HMCN1: variants seen among roughly 807,000 people sequenced by gnomAD.
HMCN1 encodes the protein hemicentin 1.
HMCN1 carries 321 observed loss-of-function variants against 625.9 expected under a neutral mutation model. The observed-to-expected ratio is 0.51, with a 90% CI of 0.47 to 0.56. The LOEUF is 0.56. HMCN1 is among the 20% of genes least tolerant of loss of function. HMCN1 has a pLI of 0.00. For missense variants in HMCN1, 6,588 were observed against 6,887.3 expected, an observed-to-expected ratio of 0.96 and a Z score of 1.54; for synonymous variants, 2,425 against 2,417.6, an observed-to-expected ratio of 1.00 and a Z score of -0.09.
At chr1:185,921,763 T>C (rs1373556550) in intron 6 of HMCN1, among the ~76,000 whole-genome samples, 2 of 152,174 alleles carry the variant, frequency 1.3e-5, no homozygotes, top group African/African-American at 4.8e-5. Context: ...TCTTAGGTGG[T>C]TTTTGAAATG....
At chr1:185,912,903 C>T (rs552151887) in intron 6 of HMCN1, among the ~76,000 whole-genome samples, 73 of 152,012 alleles carry the variant, frequency 4.8e-4, no homozygotes, top group Non-Finnish European at 9.1e-4. Context: ...TGTCTGTTTC[C>T]TTACATAAAA....
chr1:186,008,103 T>C (rs1450055815), intron 30 of HMCN1, among the ~76,000 whole-genome samples: 5 of 152,182 alleles, frequency 3.3e-5, no homozygotes, highest in African/African-American at 9.6e-5. Flanking sequence ...ATTGCTTAAT[T>C]ATAGGTTTAT....
chr1:186,039,244 C>A (rs1656042137), intron 38 of HMCN1, among the ~76,000 whole-genome samples: 1 of 152,158 alleles, frequency 6.6e-6, no homozygotes, highest in Non-Finnish European at 1.5e-5. Context: ...GTCATTGATA[C>A]TGTTAGCTAA....
At chr1:186,102,687 C>G (rs1660437733) in intron 68 of HMCN1, among the ~76,000 whole-genome samples, 1 of 152,142 alleles carries the variant, frequency 6.6e-6, no homozygotes, top group South Asian at 2.1e-4. Flanking sequence ...AACAAACCTG[C>G]TAACCCCTGG....
intron 52 of HMCN1, among the ~76,000 whole-genome samples, chr1:186,071,992 AT>A (rs1225724823): frequency 4.6e-5 from 7 of 152,250 alleles, no homozygotes; most frequent in African/African-American, 9.6e-5. Context: ...GAAATGAGGC[AT>A]TTTTGTCTTA....
intron 15 of HMCN1, among the ~76,000 whole-genome samples, chr1:185,975,709 GGATT>G (rs776241038): frequency 6.6e-6 from 1 of 151,832 alleles, no homozygotes; most frequent in African/African-American, 2.4e-5. Flanking sequence ...CCATATAGAT[GGATT>G]AAGAAAAATC....
intron 4 of HMCN1, among the ~76,000 whole-genome samples, chr1:185,900,511 AG>A (rs1480084257): frequency 2.0e-5 from 3 of 151,932 alleles, no homozygotes; most frequent in African/African-American, 7.2e-5. Context: ...ATCTCTATAA[AG>A]TATTTCCCAA....
intron 52 of HMCN1, among the ~76,000 whole-genome samples, chr1:186,073,395 A>C (rs1336102881): frequency 6.6e-6 from 1 of 152,216 alleles, no homozygotes; most frequent in African/African-American, 2.4e-5. Context: ...ATTGGAGTCC[A>C]CAAGTATAGA....
Position 185,911,744 on chromosome 1 carries a change from T to C in HMCN1, c.864T>C (p.Asn288=), listed in dbSNP as rs1666434303. 2.5e-6 allele frequency: 4 copies of C among 1,613,280 alleles called. No homozygotes were observed. Among genetic ancestry groups the C allele is most frequent in the East Asian group, 2.2e-5 (1 of 44,858 alleles). The change falls in exon 6 of 107, where the codon AAT becomes AAC. Residue 288 remains asparagine (N), a synonymous_variant. Transcript: ENST00000271588. ...TCCATAACTCTGCCAAAGTAGTGAA[T>C]GTGAAAGAGCCAGAGGCTGGAATGT... The part of the protein sequence containing the change: ...LNIHNSAKVV[N]VKEPEAGMWT...
intron 42 of HMCN1, among the ~76,000 whole-genome samples, chr1:186,049,537 A>C (rs1656809572): frequency 6.6e-6 from 1 of 152,116 alleles, no homozygotes; most frequent in African/African-American, 2.4e-5. Context: ...TAATTCTTAT[A>C]GTCACAACTT....
At chr1:185,808,190 A>T (rs1004483037) in intron 1 of HMCN1, among the ~76,000 whole-genome samples, 1 of 152,004 alleles carries the variant, frequency 6.6e-6, no homozygotes, top group Non-Finnish European at 1.5e-5. Context: ...TATTAAAAAT[A>T]CAAAAAATTA....
intron 8 of HMCN1, 107 bp downstream of exon 8, chr1:185,923,760 A>T: frequency 1.1e-6 from 1 of 926,438 alleles, no homozygotes; most frequent in Non-Finnish European, 1.7e-6. Flanking sequence ...TCTTCATATT[A>T]TTACTGCATC....
chr1:185,886,327 A>G (rs971738184), intron 4 of HMCN1, among the ~76,000 whole-genome samples: 6 of 152,150 alleles, frequency 3.9e-5, no homozygotes, highest in African/African-American at 1.2e-4. Flanking sequence ...TATAATTTAA[A>G]TGAAGTAAAC....
At chr1:185,790,230 C>G (rs1433566511) in intron 1 of HMCN1, among the ~76,000 whole-genome samples, 1 of 152,196 alleles carries the variant, frequency 6.6e-6, no homozygotes, top group Non-Finnish European at 1.5e-5. Flanking sequence ...CCCATTTAAC[C>G]TTTCGAAATT....
intron 11 of HMCN1, 137 bp downstream of exon 11, chr1:185,933,961 A>G (rs1034687596): frequency 3.2e-5 from 26 of 805,646 alleles, no homozygotes; most frequent in Non-Finnish European, 4.7e-5. Flanking sequence ...AGAATGCTTA[A>G]CATACTCAGT....
intron 1 of HMCN1, among the ~76,000 whole-genome samples, chr1:185,736,239 G>T (rs1211355091): frequency 2.0e-5 from 3 of 151,394 alleles, no homozygotes; most frequent in African/African-American, 4.9e-5. Context: ...TACTCTTCTG[G>T]GATATGTAAT....
rs75573300 is a variant in HMCN1, at chr1:185,869,248, A to C, written c.621+3385A>C. Among the ~76,000 whole-genome samples, 43 of 152,286 alleles carry C rather than the reference A, an allele frequency of 2.8e-4. No individual in the cohort carries two copies. In the East Asian group the frequency reaches 7.7e-3, roughly 27 times the overall value. The stretch of plus-strand genomic sequence containing the variant: ...TAAAGTAAATGCATCTTAAATGATA[A>C]AACTTGTATATTTCTTTGTGACATG... On this transcript the variant is annotated intron_variant, in intron 4 of 106. Transcript: ENST00000271588.
At chr1:186,175,757 G>C (rs941058236) in intron 103 of HMCN1, among the ~76,000 whole-genome samples, 1 of 151,576 alleles carries the variant, frequency 6.6e-6, no homozygotes, top group African/African-American at 2.4e-5. Context: ...TGTGCTTCAC[G>C]CCTGTAATCC....
At chr1:186,116,128 A>G (rs894961465) in intron 75 of HMCN1, among the ~76,000 whole-genome samples, 2 of 152,078 alleles carry the variant, frequency 1.3e-5, no homozygotes, top group Non-Finnish European at 2.9e-5. Context: ...AAATTCTATC[A>G]TGTCTCTTTT....
Sources: allele counts gnomAD v4.1 joint callset (sites outside exome capture counted in the v4.1 genomes callset), GRCh38; gene constraint gnomAD v4.1.1; transcripts MANE v1.5; gene names NCBI Gene and HGNC (gene_info 2026-07-23, HGNC 2026-07-21).